Variants in SNX25 observed in about 807,000 individuals in gnomAD.
The protein encoded by SNX25 is sorting nexin 25.
Under a neutral mutation model 113.7 loss-of-function variants are expected in SNX25, and 62 were observed. That is an observed-to-expected ratio of 0.55 (90% confidence interval 0.44 to 0.67). SNX25 has a LOEUF of 0.67. SNX25 is among the 30% of genes least tolerant of loss of function. SNX25 has a pLI of 0.00. For synonymous variants in SNX25, 421 were observed against 436.2 expected, an observed-to-expected ratio of 0.97 and a Z score of 0.43; for missense variants, 1,014 against 1,161.0, an observed-to-expected ratio of 0.87 and a Z score of 1.84.
At chr4:185,359,530 A>G (rs932513960) in intron 16 of SNX25, among the ~76,000 whole-genome samples, 3 of 152,134 alleles carry the variant, frequency 2.0e-5, no homozygotes, top group Admixed American at 1.3e-4. Flanking sequence ...GCGGTGGCTC[A>G]CGTCTGTAAT....
chr4:185,369,354 T>A (rs6834425), intron 11 of SNX25, among the ~76,000 whole-genome samples: 52,364 of 150,724 alleles, frequency 0.35, 10,302 homozygotes, highest in African/African-American at 0.55. Flanking sequence ...AGTAGCTGGG[T>A]TTACAGGCAC....
At chr4:185,266,646 G>A (rs1481360311) in intron 4 of SNX25, among the ~76,000 whole-genome samples, 1 of 152,104 alleles carries the variant, frequency 6.6e-6, no homozygotes, top group African/African-American at 2.4e-5. Context: ...ACAGGTGTGA[G>A]CCACCACGCC....
chr4:185,328,917 A>T (rs1309426366), intron 9 of SNX25, among the ~76,000 whole-genome samples: 1 of 152,136 alleles, frequency 6.6e-6, no homozygotes, highest in Non-Finnish European at 1.5e-5. Flanking sequence ...AGGTTTGAAC[A>T]GGCGAGGAGC....
chr4:185,270,454 G>A (rs1192537191), intron 5 of SNX25, among the ~76,000 whole-genome samples: 5 of 152,348 alleles, frequency 3.3e-5, no homozygotes, highest in African/African-American at 9.6e-5. Context: ...TGGGAAGCAG[G>A]CCCTTTGGTC....
At chr4:185,270,947 G>C (rs115885491) in intron 5 of SNX25, among the ~76,000 whole-genome samples, 5 of 152,184 alleles carry the variant, frequency 3.3e-5, no homozygotes, top group Non-Finnish European at 1.5e-5. Context: ...TGGATTGTCT[G>C]CCATTTAAAG....
intron 2 of SNX25, among the ~76,000 whole-genome samples, chr4:185,251,596 T>TGC (rs1246479129): frequency 8.5e-6 from 1 of 117,818 alleles, no homozygotes; most frequent in Non-Finnish European, 1.7e-5. Context: ...GATATTCCAT[T>TGC]GCGTGTGTGT....
intron 10 of SNX25, among the ~76,000 whole-genome samples, chr4:185,335,597 C>G (rs192785557): frequency 6.6e-6 from 1 of 152,152 alleles, no homozygotes; most frequent in Admixed American, 6.5e-5. Context: ...TAATTAGCTA[C>G]TGGGTGGTAA....
chr4:185,252,561 T>C (rs1745824666), intron 2 of SNX25, among the ~76,000 whole-genome samples: 1 of 152,192 alleles, frequency 6.6e-6, no homozygotes. Flanking sequence ...GGTACCATTT[T>C]ATCTTTATAT....
downstream of SNX25, among the ~76,000 whole-genome samples, chr4:185,373,411 G>A (rs1055485970): frequency 7.2e-5 from 11 of 152,190 alleles, no homozygotes; most frequent in South Asian, 2.1e-4. Flanking sequence ...TCTGAAAGGC[G>A]TGAGGCACAG....
intron 1 of SNX25, among the ~76,000 whole-genome samples, chr4:185,229,469 TGAAG>T (rs1400603528): frequency 2.0e-5 from 3 of 152,224 alleles, no homozygotes; most frequent in African/African-American, 7.2e-5. Context: ...TCTCATTGAC[TGAAG>T]GAATTGCCCC....
chr4:185,325,852 CTG>C (rs2095153599), intron 9 of SNX25, among the ~76,000 whole-genome samples: 1 of 152,166 alleles, frequency 6.6e-6, no homozygotes, highest in Admixed American at 6.5e-5. Flanking sequence ...TGTACAGGGA[CTG>C]TGTACACAAA....
chr4:185,213,149 A>T (rs1738206306), intron 1 of SNX25, among the ~76,000 whole-genome samples: 1 of 152,202 alleles, frequency 6.6e-6, no homozygotes, highest in Non-Finnish European at 1.5e-5. Context: ...CCTATAATTG[A>T]CACCTTTTGT....
chr4:185,302,956 T>C (rs1753926169), intron 6 of SNX25, among the ~76,000 whole-genome samples: 1 of 152,134 alleles, frequency 6.6e-6, no homozygotes, highest in South Asian at 2.1e-4. Flanking sequence ...CTCACTATAG[T>C]CTCATGAGTT....
chr4:185,258,531 C>T (rs1746776174), intron 2 of SNX25, among the ~76,000 whole-genome samples: 1 of 152,146 alleles, frequency 6.6e-6, no homozygotes, highest in Admixed American at 6.5e-5. Context: ...ATATCAGGTA[C>T]ACTTCATAAG....
intron 4 of SNX25, among the ~76,000 whole-genome samples, chr4:185,266,148 C>A (rs1748042141): frequency 6.6e-6 from 1 of 152,038 alleles, no homozygotes; most frequent in East Asian, 1.9e-4. Context: ...TTATAACCAA[C>A]CACAGAGAAG....
Position 185,232,785 on chromosome 4 carries a change from C to T in SNX25, c.430-14509C>T, listed in dbSNP as rs949995774. Among the ~76,000 whole-genome samples, 1 of 152,246 alleles carries T rather than the reference C, an allele frequency of 6.6e-6. No homozygotes were observed. Among genetic ancestry groups the T allele is most frequent in the South Asian group, 2.1e-4 (1 of 4,812 alleles). ...CGAGAACTATTATGACATGAGAATT[C>T]TTTTTCCAATATACTTTAATATGTA... On this transcript the variant is annotated intron_variant, in intron 1 of 18. Coordinates refer to ENST00000652585, the MANE Select transcript of SNX25 (RefSeq NM_001378034.2). The surrounding 1 kb of genome is among the most constrained non-coding windows in gnomAD (Gnocchi z 4.4).
chr4:185,369,375 GC>G (rs1561073357), intron 11 of SNX25, among the ~76,000 whole-genome samples: 3 of 91,246 alleles, frequency 3.3e-5, no homozygotes, highest in African/African-American at 4.9e-5. Context: ...ACATTGCCAT[GC>G]CTGGCTAATT....
chr4:185,212,442 G>T (rs1463918278), intron 1 of SNX25, among the ~76,000 whole-genome samples: 2 of 144,888 alleles, frequency 1.4e-5, no homozygotes, highest in African/African-American at 5.1e-5. Context: ...CTCTAGTGCT[G>T]TATTTCCAAT....
In SNX25 at chr4:185,314,122, A is replaced by G. The variant is rs370647649; in HGVS notation, c.1344+3306A>G. Reference sequence around the variant, plus strand: ...GTGCAGCTCAAACTCATGTTGCTCAAGGGTCAACTGTACTTTTTAATGCTT... The same window carrying G: ...GTGCAGCTCAAACTCATGTTGCTCAGGGGTCAACTGTACTTTTTAATGCTT... On this transcript the variant is annotated intron_variant, in intron 7 of 18. Transcript: ENST00000652585. 1.1e-4 allele frequency among the ~76,000 whole-genome samples: 17 copies of G among 152,210 alleles called. No individual in the cohort carries two copies. In the East Asian group the frequency reaches 2.9e-3, roughly 26 times the overall value.
Sources: gnomAD v4.1 joint callset for allele counts (sites outside exome capture counted in the v4.1 genomes callset) on GRCh38, gnomAD v4.1.1 for gene constraint, Gnocchi (gnomAD v3.1) non-coding constraint, MANE v1.5 for transcripts, NCBI Gene and HGNC (gene_info 2026-07-23, HGNC 2026-07-21) for gene names.